The following WDR72 variants were observed in gnomAD, a reference collection of about 807,000 sequenced individuals.
The protein encoded by WDR72 is WD repeat domain 72.
A neutral mutation model predicts 124.2 loss-of-function variants in WDR72; 120 were observed. That is an observed-to-expected ratio of 0.97 (90% CI 0.83 to 1.12). The LOEUF (loss-of-function observed/expected upper bound fraction) is 1.12. Among genes scored for constraint, WDR72 ranks in the 50% most tolerant of loss-of-function variants. The pLI, the probability that WDR72 is intolerant of heterozygous loss-of-function variation, is 0.00. For synonymous variants in WDR72, 452 were observed against 441.7 expected (o/e 1.02, Z -0.29); for missense variants, 1,387 against 1,278.8 (o/e 1.08, Z -1.29).
rs528264937 is a variant in WDR72, at chr15:53,558,184, C to A, written c.3149-34862G>T. 3.9e-5 allele frequency among the ~76,000 whole-genome samples: 6 copies of A among 152,128 alleles called. No individual in the cohort carries two copies. The East Asian group carries it at 1.2e-3, about 30-fold the overall frequency. On this transcript the variant is annotated intron_variant, in intron 18 of 19. Coordinates refer to ENST00000360509, the MANE Select transcript of WDR72 (RefSeq NM_182758.4). ...TTCTATAGTAGGAATTCATAGACTC[C>A]AATATTAATTTTAACATTTTATCCA...
chr15:53,690,777 G>A (rs2016813633), intron 13 of WDR72, among the ~76,000 whole-genome samples: 1 of 152,074 alleles, frequency 6.6e-6, no homozygotes, highest in African/African-American at 2.4e-5. Context: ...TTATGTACAA[G>A]TTTCTGTGTG....
rs568420580 is a variant in WDR72 at position 53,722,204 on chromosome 15, T to A, written c.260+598A>T. The stretch of plus-strand genomic sequence containing the variant: ...ATGCATCACCATGCCCAGGCCAATT[T>A]TTCTATTTTTAATAGAGTCAGGGTT... On this transcript the variant is annotated intron_variant, in intron 3 of 19. Transcript: ENST00000360509. Among the ~76,000 whole-genome samples the A allele has an allele frequency of 3.3e-5, 5 of 151,792 alleles. No individual in the cohort carries two copies. The East Asian group carries it at 9.7e-4, about 30-fold the overall frequency.
At chr15:53,660,786 C>G (rs1444656488) in intron 14 of WDR72, among the ~76,000 whole-genome samples, 1 of 152,038 alleles carries the variant, frequency 6.6e-6, no homozygotes, top group Non-Finnish European at 1.5e-5. Flanking sequence ...GGTGGTTTTC[C>G]AAACACATAT....
intron 13 of WDR72, among the ~76,000 whole-genome samples, chr15:53,667,006 T>G (rs1386906602): frequency 4.6e-5 from 7 of 152,216 alleles, no homozygotes; most frequent in Admixed American, 2.0e-4. Context: ...AACATCCTTA[T>G]CATACAAGCT....
chr15:53,556,168 TG>T (rs2140286880), intron 18 of WDR72, among the ~76,000 whole-genome samples: 1 of 152,222 alleles, frequency 6.6e-6, no homozygotes, highest in African/African-American at 2.4e-5. Context: ...AATATATAAA[TG>T]AGGCAATACA....
At chr15:53,759,032 T>TCTTTATTGCCGA (rs1461658959) in intron 1 of WDR72, among the ~76,000 whole-genome samples, 2 of 151,944 alleles carry the variant, frequency 1.3e-5, no homozygotes, top group African/African-American at 4.8e-5. Context: ...GTCCCCGCAG[T>TCTTTATTGCCGA]CTTTATTGCC....
chr15:53,610,705 T>C (rs928132361), intron 16 of WDR72, among the ~76,000 whole-genome samples: 2 of 152,052 alleles, frequency 1.3e-5, no homozygotes, highest in Non-Finnish European at 2.9e-5. Flanking sequence ...TTGATATTAC[T>C]TTTTCCTGAT....
At chr15:53,700,799 A>C (rs889847827) in intron 12 of WDR72, among the ~76,000 whole-genome samples, 19 of 152,254 alleles carry the variant, frequency 1.2e-4, no homozygotes, top group African/African-American at 4.3e-4. Context: ...GGCAGGTGTG[A>C]TAGATCTGGA....
At chr15:53,564,366 C>T (rs756307972) in intron 18 of WDR72, among the ~76,000 whole-genome samples, 5 of 151,782 alleles carry the variant, frequency 3.3e-5, no homozygotes, top group African/African-American at 4.8e-5. Context: ...GCTAAAATGC[C>T]TATCTAAAAT....
Position 53,620,621 on chromosome 15 carries a change from A to G in WDR72, c.1963-4378T>C, listed in dbSNP as rs114372119. ...TGAAGGTGAATGAAACTGGATCCTC[A>G]TCTCTCACCTTAAACAAAAATCAAC... On this transcript the variant is annotated intron_variant, in intron 14 of 19. Transcript: ENST00000360509. Among the ~76,000 whole-genome samples, 362 of 152,182 alleles carry G rather than the reference A, an allele frequency of 2.4e-3. 1 individual carries two copies. Among genetic ancestry groups the G allele is most frequent in the African/African-American group, 7.7e-3 (321 of 41,548 alleles).
Position 53,665,698 on chromosome 15 carries a change from A to G in WDR72, c.1836T>C (p.Leu612=), listed in dbSNP as rs2015754971. 1 of 1,613,824 alleles carries G rather than the reference A, an allele frequency of 6.2e-7. No homozygotes were observed. The highest frequency in any genetic ancestry group is 8.5e-7 in the Non-Finnish European group (1 of 1,179,898). ...AGGCAATGGGAAGTACAGACTTCACAAGCTGTGAATCATCACAACAATTAA... is the reference window on the plus strand; with the variant it reads ...AGGCAATGGGAAGTACAGACTTCACGAGCTGTGAATCATCACAACAATTAA... ...IILNCCDDSQ[L]VKSVLPIASE... The change falls in exon 14 of 20, where the codon CTT becomes CTC. Residue 612 remains leucine, a synonymous_variant. Transcript: ENST00000360509.
chr15:53,607,379 C>G (rs2013331996), intron 17 of WDR72, among the ~76,000 whole-genome samples: 1 of 152,136 alleles, frequency 6.6e-6, no homozygotes. Context: ...CATACACCTA[C>G]TGTGAACTCA....
intron 18 of WDR72, among the ~76,000 whole-genome samples, chr15:53,554,626 A>G (rs993426971): frequency 4.6e-5 from 7 of 152,128 alleles, no homozygotes; most frequent in Non-Finnish European, 8.8e-5. Flanking sequence ...TTTATGGGTG[A>G]GGTCCCATTC....
At chr15:53,689,766 C>T (rs1049570841) in intron 13 of WDR72, among the ~76,000 whole-genome samples, 12 of 151,930 alleles carry the variant, frequency 7.9e-5, no homozygotes, top group Non-Finnish European at 1.6e-4. Flanking sequence ...CACACGCACA[C>T]GTATGTTTAT....
chr15:53,708,527 C>A (rs1009142139), intron 9 of WDR72, among the ~76,000 whole-genome samples: 4 of 152,084 alleles, frequency 2.6e-5, no homozygotes, highest in African/African-American at 9.7e-5. Flanking sequence ...CACTCCAAAA[C>A]CCATTACTGG....
In WDR72 at chr15:53,705,940, A is replaced by G; in HGVS notation, c.1089T>C (p.Asp363=). 2 of 1,614,142 alleles carry G rather than the reference A, an allele frequency of 1.2e-6. No individual in the cohort carries two copies. Among genetic ancestry groups the G allele is most frequent in the Non-Finnish European group, 1.7e-6 (2 of 1,180,018 alleles). ...AAACTGACTTACCTCTAGGAGAACC[A>G]TCAAACTTGGATACAGGAACATCAG... is the stretch of plus-strand genomic sequence containing the variant. ...HIPDVPVSKF[D]GSPREIPVTA... is the part of the protein sequence containing the mutation. Residue 363 remains aspartate (D), a synonymous_variant, in exon 10 of 20, where the codon GAT becomes GAC. Transcript: ENST00000360509.
intron 1 of WDR72, among the ~76,000 whole-genome samples, chr15:53,741,813 T>C (rs2018517987): frequency 6.6e-6 from 1 of 151,980 alleles, no homozygotes; most frequent in Admixed American, 6.6e-5. Context: ...CTGCAAACTC[T>C]GCCTCCCAAG....
intron 17 of WDR72, among the ~76,000 whole-genome samples, chr15:53,597,925 G>A (rs1252954534): frequency 6.6e-6 from 1 of 152,076 alleles, no homozygotes; most frequent in African/African-American, 2.4e-5. Context: ...AAGAATCTGG[G>A]TCATGACACC....
At chr15:53,644,625 T>TAA (rs1233773201) in intron 14 of WDR72, among the ~76,000 whole-genome samples, 1 of 150,058 alleles carries the variant, frequency 6.7e-6, no homozygotes, top group African/African-American at 2.5e-5. Context: ...ACAAAAAGAA[T>TAA]CCCAACAACG....
Sources: gnomAD v4.1 joint callset for allele counts (sites outside exome capture counted in the v4.1 genomes callset) on GRCh38, gnomAD v4.1.1 for gene constraint, MANE v1.5 for transcripts, NCBI Gene and HGNC (gene_info 2026-07-23, HGNC 2026-07-21) for gene names.